TLE1: variants seen among roughly 807,000 people sequenced by gnomAD.
TLE1 encodes TLE family member 1, transcriptional corepressor.
Under a neutral mutation model 89.8 loss-of-function variants are expected in TLE1, and 21 were observed. That is an observed-to-expected ratio of 0.23 (90% CI 0.17 to 0.34). The LOEUF (loss-of-function observed/expected upper bound fraction) is 0.34, where lower values mean the gene tolerates loss of function less well. Ranked by LOEUF, TLE1 falls within the 10% of genes least tolerant of loss-of-function variation. TLE1 has a pLI of 1.00. For missense variants in TLE1, 795 were observed against 1,031.2 expected (o/e 0.77, Z 3.14); for synonymous variants, 447 against 407.6 (o/e 1.10, Z -1.16).
intron 14 of TLE1, among the ~76,000 whole-genome samples, chr9:81,594,138 A>G (rs1227284172): frequency 2.0e-5 from 3 of 152,132 alleles, no homozygotes; most frequent in Non-Finnish European, 4.4e-5. Context: ...ATAGGGAGAG[A>G]GCATACTTGC....
intron 8 of TLE1, among the ~76,000 whole-genome samples, chr9:81,633,141 A>G (rs1283953597): frequency 6.6e-6 from 1 of 152,212 alleles, no homozygotes; most frequent in East Asian, 1.9e-4. Flanking sequence ...AGTTTTGTAA[A>G]AAGACAAGAG....
intron 4 of TLE1, among the ~76,000 whole-genome samples, chr9:81,666,877 T>A (rs1331907670): frequency 6.6e-6 from 1 of 152,068 alleles, no homozygotes; most frequent in Non-Finnish European, 1.5e-5. Flanking sequence ...TCAGCACTTT[T>A]GAGAGCAAGG....
At chr9:81,677,869 C>T (rs1230981683) in intron 4 of TLE1, among the ~76,000 whole-genome samples, 2 of 152,186 alleles carry the variant, frequency 1.3e-5, no homozygotes, top group African/African-American at 2.4e-5. Flanking sequence ...GCTACATATA[C>T]AACTCTATCC....
At chr9:81,652,118 C>CACACAT in intron 6 of TLE1, 96 bp downstream of exon 6, 4 of 1,183,342 alleles carry the variant, frequency 3.4e-6, no homozygotes, top group Non-Finnish European at 5.0e-6. Context: ...CACACACACA[C>CACACAT]ACACACACAC....
chr9:81,657,901 A>ATAATTTTTTTT (rs1830330827), intron 4 of TLE1, among the ~76,000 whole-genome samples: 4 of 150,406 alleles, frequency 2.7e-5, no homozygotes, highest in Admixed American at 6.6e-5. Flanking sequence ...CACTACAGAC[A>ATAATTTTTTTT]TAATTTTTTT....
chr9:81,620,526 C>T lies in TLE1; in HGVS notation c.626G>A (p.Arg209Lys), dbSNP rs779166170. 2.5e-6 allele frequency: 4 copies of T among 1,613,902 alleles called. No individual in the cohort carries two copies. The highest frequency in any genetic ancestry group is 3.4e-6 in the Non-Finnish European group (4 of 1,179,966). The part of the protein sequence containing the change: ...SNSLLVPDSL[R>K]GTDKRRNGPE... ...TCCATTTCTGCGTTTATCTGTGCCT[C>T]TTAGACTGTCTGGGACCAGGAGGGA... The change falls in exon 9 of 20, where the codon AGA becomes AAA. Residue 209 changes from arginine to lysine, a missense_variant. Physicochemically the swap from Arg to Lys is conservative, Grantham distance 26. This residue lies in a region of TLE1 where 468 missense variants were observed against 509.1 expected (regional missense o/e 0.92). Transcript: ENST00000376499.
At chr9:81,630,130 CAA>C (rs1421439147) in intron 8 of TLE1, among the ~76,000 whole-genome samples, 1 of 150,082 alleles carries the variant, frequency 6.7e-6, no homozygotes, top group Non-Finnish European at 1.5e-5. Flanking sequence ...GAAAGACAAA[CAA>C]GAAGAAAAAA....
chr9:81,625,551 T>A (rs1036116908), intron 8 of TLE1, among the ~76,000 whole-genome samples: 1 of 150,492 alleles, frequency 6.6e-6, no homozygotes, highest in Admixed American at 6.7e-5. Context: ...TATATTCTTT[T>A]AAAATAAAAC....
chr9:81,610,260 T>G lies in TLE1; in HGVS notation c.1291A>C (p.Thr431Pro). The change falls in exon 14 of 20, where the codon ACC (threonine) becomes CCC (proline). Residue 431 changes from threonine to proline, a missense_variant. Around this residue, in one of 4 missense-constraint regions of TLE1, gnomAD observed 468 missense variants for 509.1 expected, o/e 0.92. Transcript: ENST00000376499. ...ATTCCTGCCAGGTTTGGAGGAATGG[T>G]AGGTACTCTCATGTGAGGGGGAGGA... The part of the protein sequence containing the change: ...FDPPPHMRVP[T>P]IPPNLAGIPG... The G allele has an allele frequency of 6.2e-7, 1 of 1,613,982 alleles. No individual in the cohort carries two copies. The highest frequency in any genetic ancestry group is 8.5e-7 in the Non-Finnish European group (1 of 1,179,994).
intron 18 of TLE1, among the ~76,000 whole-genome samples, chr9:81,584,965 C>CCCATCCATCCATCCAT (rs58907018): frequency 5.2e-4 from 78 of 149,488 alleles, no homozygotes; most frequent in Middle Eastern, 3.4e-3. Context: ...CACTCATCCA[C>CCCATCCATCCATCCAT]CCATCCATCC....
chr9:81,669,893 T>C (rs1347110203), intron 4 of TLE1, among the ~76,000 whole-genome samples: 1 of 152,204 alleles, frequency 6.6e-6, no homozygotes, highest in African/African-American at 2.4e-5. Context: ...TTGTACCACA[T>C]ATAAGTTTAG....
intron 9 of TLE1, among the ~76,000 whole-genome samples, chr9:81,619,239 A>G (rs1254386351): frequency 6.6e-6 from 1 of 152,192 alleles, no homozygotes; most frequent in African/African-American, 2.4e-5. Flanking sequence ...GTGTTGGGCT[A>G]GGGTGGGGAG....
At chr9:81,610,172 A>T (rs1383574435) in intron 14 of TLE1, 48 bp downstream of exon 14, 6 of 1,525,122 alleles carry the variant, frequency 3.9e-6, no homozygotes, top group Non-Finnish European at 5.4e-6. Context: ...AATACCAATG[A>T]CTGAGTAACC....
intron 4 of TLE1, among the ~76,000 whole-genome samples, chr9:81,680,994 G>A (rs962723877): frequency 3.3e-5 from 5 of 150,574 alleles, no homozygotes; most frequent in Non-Finnish European, 7.4e-5. Flanking sequence ...TCACATCTAA[G>A]GAAATATCCC....
At chr9:81,672,645 C>T (rs1211227790) in intron 4 of TLE1, among the ~76,000 whole-genome samples, 1 of 152,102 alleles carries the variant, frequency 6.6e-6, no homozygotes, top group Non-Finnish European at 1.5e-5. Context: ...ACACTCCCCA[C>T]AGGTGTACAT....
At chr9:81,647,007 G>A (rs1828935129) in intron 6 of TLE1, among the ~76,000 whole-genome samples, 2 of 152,062 alleles carry the variant, frequency 1.3e-5, no homozygotes, top group African/African-American at 4.8e-5. Context: ...AAAGAAAAAT[G>A]AGGTTGCCTA....
chr9:81,647,450 T>C (rs184332650), intron 6 of TLE1, among the ~76,000 whole-genome samples: 22 of 152,330 alleles, frequency 1.4e-4, no homozygotes, highest in African/African-American at 5.1e-4. Flanking sequence ...AAGTCATTCA[T>C]GCACAACAAC....
intron 8 of TLE1, among the ~76,000 whole-genome samples, chr9:81,625,752 C>G (rs1825816566): frequency 6.6e-6 from 1 of 152,008 alleles, no homozygotes; most frequent in East Asian, 1.9e-4. Flanking sequence ...GCTCCAAACA[C>G]CTATTCAAGA....
intron 4 of TLE1, among the ~76,000 whole-genome samples, chr9:81,675,497 A>G (rs1449141002): frequency 1.3e-5 from 2 of 151,358 alleles, no homozygotes; most frequent in African/African-American, 4.9e-5. Context: ...CCTAGGCCCC[A>G]GCAACATGCT....
Sources: allele counts gnomAD v4.1 joint callset (sites outside exome capture counted in the v4.1 genomes callset), GRCh38; gene constraint gnomAD v4.1.1; regional missense constraint gnomAD v4.1.1; transcripts MANE v1.5; gene names NCBI Gene and HGNC (gene_info 2026-07-23, HGNC 2026-07-21).